Variants in SCARA3 observed in about 807,000 individuals in gnomAD.
SCARA3 encodes scavenger receptor class A member 3.
Under a neutral mutation model 47.0 loss-of-function variants are expected in SCARA3, and 39 were observed. The ratio of observed to expected loss-of-function variants is 0.83; its 90% confidence interval spans 0.64 to 1.08. The LOEUF (loss-of-function observed/expected upper bound fraction) is 1.08, where lower values mean the gene tolerates loss of function less well. Ranked by LOEUF, SCARA3 falls within the 50% of genes least tolerant of loss-of-function variation. The pLI, the probability that SCARA3 is intolerant of heterozygous loss-of-function variation, is 0.00. For missense variants in SCARA3, 724 were observed against 792.3 expected (o/e 0.91, Z 1.04); for synonymous variants, 356 against 334.1 (o/e 1.07, Z -0.71).
At chr8:27,704,402 T>C in the SCARA3 span, among the ~76,000 whole-genome samples, 6 of 152,304 alleles carry the variant, frequency 3.9e-5, no homozygotes, top group East Asian at 7.7e-4. Context: ...GCTATGATTA[T>C]GCCACTGCAC....
At chr8:27,668,336 C>T (rs1253894058) in intron 5 of SCARA3, among the ~76,000 whole-genome samples, 1 of 150,498 alleles carries the variant, frequency 6.6e-6, no homozygotes, top group Non-Finnish European at 1.5e-5. Context: ...GTCAGGAGAT[C>T]GAGACCATCC....
Position 27,672,017 on chromosome 8 carries a change from A to C in SCARA3, c.*666A>C. The C allele has an allele frequency of 4.1e-6, 4 of 985,346 alleles. No homozygotes were observed. Among genetic ancestry groups the C allele is most frequent in the Non-Finnish European group, 4.8e-6 (4 of 829,912 alleles). The allele number at this position is 985,346 out of a possible 1,614,324, so 61.0% of individuals were successfully genotyped here. A position where few individuals can be genotyped will look rare whatever the true frequency, so the allele number is the denominator to read the frequency against. On this transcript the variant is annotated 3_prime_UTR_variant, in exon 6 of 6. Transcript: ENST00000301904. Reference sequence around the variant, plus strand: ...AGTTTCCCAGGGCTCCCTGGGGTTGAAAAGCCCCAAGGAAACCTTTGCGGG... The same window carrying C: ...AGTTTCCCAGGGCTCCCTGGGGTTGCAAAGCCCCAAGGAAACCTTTGCGGG...
the SCARA3 span, among the ~76,000 whole-genome samples, chr8:27,699,938 A>G: frequency 6.6e-6 from 1 of 152,352 alleles, no homozygotes. Context: ...CAAAGACACC[A>G]ATGATTTCAA....
In SCARA3 at chr8:27,671,654, G is replaced by GCA; in HGVS notation, c.*305_*306dup. On this transcript the variant is annotated 3_prime_UTR_variant, in exon 6 of 6. Transcript: ENST00000301904. ...GGCATACATGCATGCACACACACAT[G>GCA]CACGCACACACACATGCACACATAC... 1 of 1,091,596 alleles carries GCA rather than the reference G, an allele frequency of 9.2e-7. No homozygotes were observed. The highest frequency in any genetic ancestry group is 1.1e-6 in the Non-Finnish European group (1 of 895,676). The allele number at this position is 1,091,596 out of a possible 1,614,324, so 67.6% of individuals were successfully genotyped here.
At chr8:27,639,818 G>A (rs1367741499) in intron 1 of SCARA3, among the ~76,000 whole-genome samples, 1 of 152,172 alleles carries the variant, frequency 6.6e-6, no homozygotes, top group African/African-American at 2.4e-5. Flanking sequence ...AAATTGAGAG[G>A]AGAAAGTTCC....
At chr8:27,694,141 T>A in the SCARA3 span, among the ~76,000 whole-genome samples, 3 of 152,226 alleles carry the variant, frequency 2.0e-5, no homozygotes, top group Non-Finnish European at 2.9e-5. Flanking sequence ...ACCAGCTGTG[T>A]GGTCTTGGAC....
In SCARA3 at chr8:27,671,193, C is replaced by T; in HGVS notation, c.1663C>T (p.Pro555Ser). ...AGGGCCAGAAGGGCCCCCGGGGTCT[C>T]CAGGGCCCTCAGGGCCTCAGGGAAA... ...PPGPEGPPGS[P>S]GPSGPQGKPG... The change falls in exon 6 of 6, where the codon CCA becomes TCA. Residue 555 changes from proline (P) to serine (S), a missense_variant. Transcript: ENST00000301904. 1 of 1,512,416 alleles carries T rather than the reference C, an allele frequency of 6.6e-7. No individual in the cohort carries two copies. 93.7% of individuals were successfully genotyped at this position (1,512,416 alleles called of 1,614,324 possible).
chr8:27,656,807 C>G lies in SCARA3; in HGVS notation c.252C>G (p.Ser84=), dbSNP rs370391276. The G allele has an allele frequency of 1.2e-6, 2 of 1,612,136 alleles. No individual in the cohort carries two copies. The highest frequency in any genetic ancestry group is 3.3e-5 in the Admixed American group (2 of 60,026). ...SLVFRKVDSL[S]EDISLTQSIY... is the part of the protein sequence containing the mutation. ...TTTTCAGAAAAGTGGACTCTCTCTC[C>G]GAAGACATCTCCTTGACCCAGTCTA... is the stretch of plus-strand genomic sequence containing the variant. Residue 84 remains serine, a synonymous_variant, in exon 4 of 6, where the codon TCC becomes TCG. Coordinates refer to ENST00000301904, the MANE Select transcript of SCARA3 (RefSeq NM_016240.3).
chr8:27,687,858 A>C, the SCARA3 span, among the ~76,000 whole-genome samples: 1 of 152,318 alleles, frequency 6.6e-6, no homozygotes, highest in Admixed American at 6.5e-5. Context: ...TCTACTAAAA[A>C]TACAAAAATT....
chr8:27,727,872 A>G, the SCARA3 span, among the ~76,000 whole-genome samples: 1 of 152,218 alleles, frequency 6.6e-6, no homozygotes, highest in Admixed American at 6.5e-5. Context: ...CAACAGCTCT[A>G]CAAGATGTGA....
chr8:27,705,344 C>T, the SCARA3 span, among the ~76,000 whole-genome samples: 2 of 152,178 alleles, frequency 1.3e-5, no homozygotes. Flanking sequence ...CCAAGTGGGG[C>T]CAGCTGGAGA....
intron 2 of SCARA3, among the ~76,000 whole-genome samples, chr8:27,650,750 C>T (rs1801613808): frequency 6.6e-6 from 1 of 152,180 alleles, no homozygotes; most frequent in African/African-American, 2.4e-5. Flanking sequence ...TCCATGCCAA[C>T]AATTCAACTG....
the SCARA3 span, among the ~76,000 whole-genome samples, chr8:27,712,434 G>A: frequency 2.0e-5 from 3 of 150,446 alleles, no homozygotes; most frequent in African/African-American, 7.3e-5. Flanking sequence ...GTAGTGGCGG[G>A]CGCCTGTAGT....
chr8:27,695,429 C>T, the SCARA3 span, among the ~76,000 whole-genome samples: 6 of 152,146 alleles, frequency 3.9e-5, no homozygotes, highest in Non-Finnish European at 7.4e-5. Context: ...AAATAACAGA[C>T]TCCATAGTTT....
the SCARA3 span, among the ~76,000 whole-genome samples, chr8:27,727,074 C>G: frequency 2.6e-5 from 4 of 152,168 alleles, no homozygotes; most frequent in African/African-American, 9.6e-5. Flanking sequence ...CCGCGCCCAG[C>G]CGACAGCATT....
the SCARA3 span, among the ~76,000 whole-genome samples, chr8:27,705,137 G>A: frequency 2.0e-3 from 302 of 152,278 alleles, 2 homozygotes; most frequent in African/African-American, 6.8e-3. Flanking sequence ...AACTCTCATA[G>A]CCTGTGTCTC....
rs1001487673 is a variant in SCARA3 at position 27,651,569 on chromosome 8, G to C, written c.168G>C (p.Arg56=). Residue 56 remains arginine, a synonymous_variant, in exon 3 of 6, where the codon CGG becomes CGC. Coordinates refer to ENST00000301904, the MANE Select transcript of SCARA3 (RefSeq NM_016240.3). ...ACCTATCTTTGCACACATCGGTGCG[G>C]ATTCTTTACCTCTTCCTGGCCCTGC... ...QKNLSLHTSV[R]ILYLFLALLL... is the part of the protein sequence containing the mutation. 32 of 1,613,980 alleles carry C rather than the reference G, an allele frequency of 2.0e-5. No individual in the cohort carries two copies. Among genetic ancestry groups the C allele is most frequent in the Non-Finnish European group, 2.7e-5 (32 of 1,180,038 alleles).
At chr8:27,699,271 G>A in the SCARA3 span, among the ~76,000 whole-genome samples, 8 of 146,392 alleles carry the variant, frequency 5.5e-5, no homozygotes, top group South Asian at 2.2e-4. Flanking sequence ...AAAAAAAGAC[G>A]TTCATTTTCC....
At chr8:27,700,775 CCAA>C in the SCARA3 span, among the ~76,000 whole-genome samples, 1 of 152,068 alleles carries the variant, frequency 6.6e-6, no homozygotes, top group South Asian at 2.1e-4. Context: ...ATTTCAAAAA[CCAA>C]CAATACAAAA....
Sources: gnomAD v4.1 joint callset for allele counts (sites outside exome capture counted in the v4.1 genomes callset) on GRCh38, gnomAD v4.1.1 for gene constraint, MANE v1.5 for transcripts, NCBI Gene and HGNC (gene_info 2026-07-23, HGNC 2026-07-21) for gene names.